LRRC28: variants seen among roughly 807,000 people sequenced by gnomAD.
LRRC28 encodes leucine rich repeat containing 28.
A neutral mutation model predicts 45.7 loss-of-function variants in LRRC28; 39 were observed. The observed-to-expected ratio is 0.85, with a 90% confidence interval of 0.66 to 1.12. The LOEUF (loss-of-function observed/expected upper bound fraction) is 1.12. Among genes scored for constraint, LRRC28 ranks in the 50% most tolerant of loss-of-function variants. LRRC28 has a pLI of 0.00. For synonymous variants in LRRC28, 206 were observed against 178.8 expected (o/e 1.15, Z -1.22); for missense variants, 435 against 438.5 (o/e 0.99, Z 0.07).
intron 7 of LRRC28, among the ~76,000 whole-genome samples, chr15:99,356,066 C>T (rs760706299): frequency 7.2e-5 from 11 of 152,160 alleles, no homozygotes; most frequent in Non-Finnish European, 1.0e-4. Context: ...TGCAGTTTGA[C>T]GCCCATGAAG....
chr15:99,264,133 A>G (rs1363328954), intron 2 of LRRC28, among the ~76,000 whole-genome samples: 1 of 152,238 alleles, frequency 6.6e-6, no homozygotes, highest in Non-Finnish European at 1.5e-5. Flanking sequence ...AAAGGAGAAC[A>G]ACACAGATTC....
At chr15:99,299,093 A>G (rs2082334357) in intron 5 of LRRC28, among the ~76,000 whole-genome samples, 1 of 152,232 alleles carries the variant, frequency 6.6e-6, no homozygotes, top group Admixed American at 6.5e-5. Context: ...TATCTTGGCA[A>G]AATGTGGTTT....
intron 2 of LRRC28, 91 bp from the exon 3 acceptor site, chr15:99,276,485 C>A: frequency 9.7e-7 from 1 of 1,026,020 alleles, no homozygotes; most frequent in East Asian, 2.9e-5. Context: ...ATTTACACCC[C>A]TCAAAAAGGT....
intron 5 of LRRC28, among the ~76,000 whole-genome samples, chr15:99,327,134 G>A (rs1175217187): frequency 6.6e-6 from 1 of 152,080 alleles, no homozygotes; most frequent in Admixed American, 6.6e-5. Context: ...GAGTGCAGTG[G>A]CACGATCTCG....
chr15:99,364,385 G>T (rs1957287182), intron 9 of LRRC28, among the ~76,000 whole-genome samples: 2 of 152,076 alleles, frequency 1.3e-5, no homozygotes, highest in African/African-American at 2.4e-5. Context: ...TCTTCCTCTG[G>T]ATAATCCTGT....
chr15:99,367,840 G>C (rs979846314), intron 9 of LRRC28, among the ~76,000 whole-genome samples: 3 of 152,058 alleles, frequency 2.0e-5, no homozygotes, highest in African/African-American at 7.2e-5. Context: ...TTAAACCATT[G>C]ATGATTGGTG....
At chr15:99,312,247 A>G (rs1955440488) in intron 5 of LRRC28, among the ~76,000 whole-genome samples, 1 of 152,222 alleles carries the variant, frequency 6.6e-6, no homozygotes, top group African/African-American at 2.4e-5. Flanking sequence ...TATTGCTCCT[A>G]GGCTACAAAC....
intron 1 of LRRC28, among the ~76,000 whole-genome samples, chr15:99,255,657 A>G (rs1330413006): frequency 6.6e-6 from 1 of 152,116 alleles, no homozygotes; most frequent in East Asian, 1.9e-4. Flanking sequence ...ATTTTTTTCC[A>G]TTAGGACTAT....
At chr15:99,369,148 C>G (rs1957415371) in intron 9 of LRRC28, among the ~76,000 whole-genome samples, 1 of 152,202 alleles carries the variant, frequency 6.6e-6, no homozygotes, top group Admixed American at 6.5e-5. Context: ...TAGCAACATT[C>G]TGTTCCTGAC....
chr15:99,298,545 G>A (rs1480710724), intron 5 of LRRC28, among the ~76,000 whole-genome samples: 1 of 152,076 alleles, frequency 6.6e-6, no homozygotes, highest in African/African-American at 2.4e-5. Context: ...AAATGTTGTG[G>A]TTGCATGATA....
intron 5 of LRRC28, among the ~76,000 whole-genome samples, chr15:99,292,648 G>A (rs1290957948): frequency 6.6e-6 from 1 of 152,186 alleles, no homozygotes; most frequent in East Asian, 1.9e-4. Context: ...ACAGGCGTGA[G>A]CCACCGCGCC....
intron 7 of LRRC28, 105 bp from the exon 8 acceptor site, chr15:99,361,231 C>A: frequency 1.5e-6 from 2 of 1,312,668 alleles, no homozygotes; most frequent in Non-Finnish European, 2.1e-6. Flanking sequence ...GGCAATTCAG[C>A]AGTGTCATAA....
chr15:99,383,585 A>G (rs535827536), intron 9 of LRRC28, among the ~76,000 whole-genome samples: 1 of 152,120 alleles, frequency 6.6e-6, no homozygotes, highest in Non-Finnish European at 1.5e-5. Flanking sequence ...CTTCTTTTCC[A>G]TTTGAAACTG....
intron 5 of LRRC28, among the ~76,000 whole-genome samples, chr15:99,290,533 A>G (rs529814188): frequency 2.4e-4 from 37 of 152,358 alleles, no homozygotes; most frequent in Admixed American, 2.0e-3. Context: ...ATCAGTAAAG[A>G]TAATACTTTA....
In LRRC28 at chr15:99,252,136, G is replaced by A. The variant is rs890377624; in HGVS notation, c.-61+595G>A. On this transcript the variant is annotated intron_variant, in intron 1 of 9. Coordinates refer to ENST00000301981, the MANE Select transcript of LRRC28 (RefSeq NM_144598.5). Reference sequence around the variant, plus strand: ...TCGTGTGTAAGTGCAGCTGTATACAGCTGATATTAAGTAATACTATTTGCC... The same window carrying A: ...TCGTGTGTAAGTGCAGCTGTATACAACTGATATTAAGTAATACTATTTGCC... Among the ~76,000 whole-genome samples, 5 of 152,294 alleles carry A rather than the reference G, an allele frequency of 3.3e-5. No homozygotes were observed. The East Asian group carries it at 9.6e-4, about 29-fold the overall frequency.
chr15:99,259,281 A>G, intron 2 of LRRC28: 1 of 1,095,688 alleles, frequency 9.1e-7, no homozygotes, highest in Non-Finnish European at 1.4e-6. Context: ...CCATTTGTTT[A>G]GCGACTTCTG....
intron 2 of LRRC28, among the ~76,000 whole-genome samples, chr15:99,262,882 T>C (rs2081235662): frequency 6.6e-6 from 1 of 151,740 alleles, no homozygotes; most frequent in African/African-American, 2.4e-5. Context: ...ACTCCTGGGC[T>C]CAAGTGATAC....
intron 5 of LRRC28, among the ~76,000 whole-genome samples, chr15:99,303,206 T>C (rs1161746160): frequency 6.6e-6 from 1 of 152,242 alleles, no homozygotes; most frequent in Non-Finnish European, 1.5e-5. Context: ...TGGCATCTCA[T>C]TGTGTGTTAA....
At chr15:99,253,421 T>C (rs561509286) in intron 1 of LRRC28, among the ~76,000 whole-genome samples, 8 of 152,160 alleles carry the variant, frequency 5.3e-5, no homozygotes, top group African/African-American at 1.7e-4. Context: ...GCGCCCGGTC[T>C]CAGGAAGTAA....
Sources: gnomAD v4.1 joint callset for allele counts (sites outside exome capture counted in the v4.1 genomes callset) on GRCh38, gnomAD v4.1.1 for gene constraint, MANE v1.5 for transcripts, NCBI Gene and HGNC (gene_info 2026-07-23, HGNC 2026-07-21) for gene names.